The following NAALADL2 variants were observed in gnomAD, a reference collection of about 807,000 sequenced individuals.
The protein encoded by NAALADL2 is inactive N-acetylated-alpha-linked acidic dipeptidase-like protein 2.
A neutral mutation model predicts 87.2 loss-of-function variants in NAALADL2; 76 were observed. That is an observed-to-expected ratio of 0.87 (90% CI 0.72 to 1.05). The LOEUF is 1.05. NAALADL2 is among the 50% of genes least tolerant of loss of function. NAALADL2 has a pLI of 0.00. For missense variants in NAALADL2, 1,089 were observed against 945.8 expected (o/e 1.15, Z -1.99); for synonymous variants, 354 against 331.0 (o/e 1.07, Z -0.75).
At chr3:175,322,086 T>G (rs1759968402) in intron 4 of NAALADL2, among the ~76,000 whole-genome samples, 1 of 150,422 alleles carries the variant, frequency 6.6e-6, no homozygotes, top group African/African-American at 2.4e-5. Context: ...GACCTCAAAC[T>G]ATACTACAAG....
intron 2 of NAALADL2, among the ~76,000 whole-genome samples, chr3:174,637,174 A>T (rs10936812): frequency 1.3e-5 from 2 of 151,984 alleles, no homozygotes; most frequent in African/African-American, 2.4e-5. Context: ...GGAAGGGTGT[A>T]TTGTAGGTGG....
At chr3:175,331,187 TG>T (rs1293818039) in intron 5 of NAALADL2, among the ~76,000 whole-genome samples, 1 of 151,956 alleles carries the variant, frequency 6.6e-6, no homozygotes, top group African/African-American at 2.4e-5. Flanking sequence ...AAACCTAGGG[TG>T]GGATGGCTTC....
At chr3:175,352,085 G>A (rs1763835644) in intron 5 of NAALADL2, among the ~76,000 whole-genome samples, 1 of 152,018 alleles carries the variant, frequency 6.6e-6, no homozygotes, top group African/African-American at 2.4e-5. Context: ...CTCCTGCATA[G>A]AATGAGGCTC....
At chr3:175,346,960 C>T (rs1429566309) in intron 5 of NAALADL2, among the ~76,000 whole-genome samples, 1 of 151,470 alleles carries the variant, frequency 6.6e-6, no homozygotes, top group East Asian at 2.0e-4. Flanking sequence ...TGTGTTGGGC[C>T]TTTATACAAA....
At chr3:175,298,557 A>T (rs1040144187) in intron 4 of NAALADL2, among the ~76,000 whole-genome samples, 1 of 152,146 alleles carries the variant, frequency 6.6e-6, no homozygotes, top group Non-Finnish European at 1.5e-5. Context: ...CCAACTATAC[A>T]TCTAAAAATC....
chr3:174,830,425 A>T (rs897964756), intron 3 of NAALADL2, among the ~76,000 whole-genome samples: 3 of 152,026 alleles, frequency 2.0e-5, no homozygotes, highest in Admixed American at 1.3e-4. Context: ...ATAGTTATAG[A>T]TATGCGGTGT....
intron 1 of NAALADL2, among the ~76,000 whole-genome samples, chr3:174,970,846 GTCAC>G (rs775006545): frequency 3.0e-4 from 46 of 152,250 alleles, no homozygotes; most frequent in Admixed American, 7.2e-4. Flanking sequence ...TTATGGAGTA[GTCAC>G]TCAGGCAATT....
At chr3:175,422,252 A>G (rs573616635) in intron 5 of NAALADL2, among the ~76,000 whole-genome samples, 70 of 152,236 alleles carry the variant, frequency 4.6e-4, no homozygotes, top group African/African-American at 1.6e-3. Flanking sequence ...TGGACAAAAG[A>G]AAAAATTCAA....
At chr3:175,063,608 T>C (rs1049127358) in intron 1 of NAALADL2, among the ~76,000 whole-genome samples, 15 of 152,108 alleles carry the variant, frequency 9.9e-5, no homozygotes, top group African/African-American at 3.4e-4. Context: ...TCCCCAGTAG[T>C]TGAGGCCACA....
At chr3:174,720,296 A>G (rs1314635508) in intron 2 of NAALADL2, among the ~76,000 whole-genome samples, 1 of 152,168 alleles carries the variant, frequency 6.6e-6, no homozygotes, top group East Asian at 1.9e-4. Flanking sequence ...AGATTTCAAT[A>G]TATTTGTGAA....
chr3:175,138,063 G>A (rs1729399158), intron 2 of NAALADL2, among the ~76,000 whole-genome samples: 1 of 152,152 alleles, frequency 6.6e-6, no homozygotes, highest in Non-Finnish European at 1.5e-5. Context: ...ATGGGGCGGG[G>A]GTGAGGGATC....
chr3:175,046,927 A>C (rs1218220264), intron 1 of NAALADL2, among the ~76,000 whole-genome samples: 2 of 152,174 alleles, frequency 1.3e-5, no homozygotes, highest in Middle Eastern at 3.2e-3. Flanking sequence ...TGTATGTTTC[A>C]CAGTTCTGAA....
At chr3:174,612,135 A>G (rs1719972956) in intron 2 of NAALADL2, among the ~76,000 whole-genome samples, 1 of 152,116 alleles carries the variant, frequency 6.6e-6, no homozygotes, top group Admixed American at 6.5e-5. Flanking sequence ...TGGCCTGTAA[A>G]GTTTCCACTG....
chr3:175,290,012 A>G (rs1346267147), intron 4 of NAALADL2, among the ~76,000 whole-genome samples: 2 of 152,208 alleles, frequency 1.3e-5, no homozygotes, highest in Admixed American at 1.3e-4. Context: ...TAGAAATAAA[A>G]AGCATAATCA....
At chr3:175,367,984 C>A (rs1765871321) in intron 5 of NAALADL2, among the ~76,000 whole-genome samples, 1 of 152,080 alleles carries the variant, frequency 6.6e-6, no homozygotes. Flanking sequence ...ATGATATTGG[C>A]TGTGGGTTTG....
intron 4 of NAALADL2, among the ~76,000 whole-genome samples, chr3:175,321,831 TAA>T (rs1437958347): frequency 8.4e-6 from 1 of 118,452 alleles, no homozygotes; most frequent in Non-Finnish European, 1.7e-5. Context: ...CTCAAGGAAA[TAA>T]AAGAGGATAC....
At chr3:175,753,137 C>G (rs1746817950) in intron 12 of NAALADL2, among the ~76,000 whole-genome samples, 1 of 152,068 alleles carries the variant, frequency 6.6e-6, no homozygotes, top group South Asian at 2.1e-4. Flanking sequence ...TTGAAAACAT[C>G]AAATGCCAAA....
At chr3:175,642,691 G>A (rs1212300486) in intron 11 of NAALADL2, among the ~76,000 whole-genome samples, 1 of 151,918 alleles carries the variant, frequency 6.6e-6, no homozygotes, top group African/African-American at 2.4e-5. Context: ...TAGTACAGAC[G>A]GGGTTTCACC....
rs544691035 is a variant in NAALADL2 at position 175,354,214 on chromosome 3, T to C, written c.1090+29889T>C. Among the ~76,000 whole-genome samples, 228 of 152,292 alleles carry C rather than the reference T, an allele frequency of 1.5e-3. 2 individuals carry two copies. Among genetic ancestry groups the C allele is most frequent in the African/African-American group, 5.2e-3 (216 of 41,580 alleles). ...CTTATCGATGACACCTTGATCATGATTGACACTTCAGGGTAAGAAAGAATT... is the reference window on the plus strand; with the variant it reads ...CTTATCGATGACACCTTGATCATGACTGACACTTCAGGGTAAGAAAGAATT... On this transcript the variant is annotated intron_variant, in intron 5 of 13. Transcript: ENST00000454872.
Sources: allele counts gnomAD v4.1 joint callset (sites outside exome capture counted in the v4.1 genomes callset), GRCh38; gene constraint gnomAD v4.1.1; transcripts MANE v1.5; gene names NCBI Gene and HGNC (gene_info 2026-07-23, HGNC 2026-07-21).